Variants in RNF150 observed in about 807,000 individuals in gnomAD.
RNF150 encodes ring finger protein 150.
Under a neutral mutation model 39.3 loss-of-function variants are expected in RNF150, and 24 were observed. The ratio of observed to expected loss-of-function variants is 0.61; its 90% CI spans 0.44 to 0.86. RNF150 has a LOEUF of 0.86. RNF150 is among the 40% of genes least tolerant of loss of function. The pLI, the probability that RNF150 is intolerant of heterozygous loss-of-function variation, is 0.00. For synonymous variants in RNF150, 255 were observed against 227.3 expected (o/e 1.12, Z -1.10); for missense variants, 502 against 587.8 (o/e 0.85, Z 1.51).
At chr4:140,935,056 T>TATTA (rs1553993277) in intron 4 of RNF150, among the ~76,000 whole-genome samples, 8 of 46,230 alleles carry the variant, frequency 1.7e-4, no homozygotes, top group South Asian at 1.6e-3. Context: ...AATATATATA[T>TATTA]TATATATATA....
intron 3 of RNF150, among the ~76,000 whole-genome samples, chr4:140,948,626 A>C (rs1732419139): frequency 6.6e-6 from 1 of 152,146 alleles, no homozygotes; most frequent in Non-Finnish European, 1.5e-5. Flanking sequence ...TTTTATAGAG[A>C]CAGGGTCTTT....
chr4:140,909,990 G>A (rs1378179413), intron 6 of RNF150, among the ~76,000 whole-genome samples: 1 of 152,130 alleles, frequency 6.6e-6, no homozygotes, highest in Non-Finnish European at 1.5e-5. Context: ...AATAAAAGAT[G>A]ATCAGGAAAT....
In RNF150 at chr4:141,030,281, C is replaced by CAA. The variant is rs4019263; in HGVS notation, c.485-62410_485-62409dup. ...ACCTCATACCCATTATAATGGCTAT[C>CAA]AAAAAAAAAAAACCCAGAAAATAAC... On this transcript the variant is annotated intron_variant, in intron 1 of 6. Coordinates refer to ENST00000515673, the MANE Select transcript of RNF150 (RefSeq NM_020724.2). Among the ~76,000 whole-genome samples the CAA allele has an allele frequency of 3.9e-3, 584 of 148,116 alleles. 3 individuals are homozygous for CAA. Among genetic ancestry groups the CAA allele is most frequent in the Middle Eastern group, 0.014 (4 of 282 alleles).
At chr4:140,987,295 G>C (rs1398052519) in intron 1 of RNF150, among the ~76,000 whole-genome samples, 1 of 151,934 alleles carries the variant, frequency 6.6e-6, no homozygotes, top group South Asian at 2.1e-4. Flanking sequence ...CCAAAAAAGA[G>C]CCCAAATAGT....
chr4:140,998,697 G>A (rs912330078), intron 1 of RNF150, among the ~76,000 whole-genome samples: 7 of 152,152 alleles, frequency 4.6e-5, no homozygotes, highest in Non-Finnish European at 1.0e-4. Context: ...AATTCAAAGT[G>A]ACAGAGTGGG....
intron 1 of RNF150, among the ~76,000 whole-genome samples, chr4:141,108,885 C>T (rs1220233149): frequency 2.0e-5 from 3 of 152,214 alleles, no homozygotes; most frequent in Non-Finnish European, 2.9e-5. Context: ...CATCCTTAAC[C>T]GCTGCAGCTC....
At chr4:141,211,462 A>G (rs1410584776) in intron 1 of RNF150, among the ~76,000 whole-genome samples, 1 of 152,188 alleles carries the variant, frequency 6.6e-6, no homozygotes, top group Non-Finnish European at 1.5e-5. Flanking sequence ...TGATGAACAC[A>G]TCTTACATTC....
intron 2 of RNF150, among the ~76,000 whole-genome samples, chr4:140,963,856 T>C (rs1733134244): frequency 6.6e-6 from 1 of 151,996 alleles, no homozygotes; most frequent in African/African-American, 2.4e-5. Context: ...AAAAAATTCT[T>C]AATAAGATAG....
chr4:140,976,834 C>T (rs1165100224), intron 1 of RNF150, among the ~76,000 whole-genome samples: 1 of 152,084 alleles, frequency 6.6e-6, no homozygotes, highest in Non-Finnish European at 1.5e-5. Flanking sequence ...GTGAACATTG[C>T]TAAGAGGGAA....
At chr4:141,195,107 T>TACACACACACACACAC (rs71584397) in intron 1 of RNF150, among the ~76,000 whole-genome samples, 1 of 150,060 alleles carries the variant, frequency 6.7e-6, no homozygotes, top group African/African-American at 2.4e-5. Context: ...GATACATGAA[T>TACACACACACACACAC]ACACACACAC....
chr4:141,027,921 TTTTTG>T lies in RNF150; in HGVS notation c.485-60053_485-60049del, dbSNP rs1560696686. 2.1e-3 allele frequency among the ~76,000 whole-genome samples: 126 copies of T among 59,602 alleles called. 4 individuals carry two copies. Among genetic ancestry groups the T allele is most frequent in the Middle Eastern group, 0.012 (2 of 166 alleles). The allele number at this position is 59,602 out of a possible 152,430, so 39.1% of individuals were successfully genotyped here. On this transcript the variant is annotated intron_variant, in intron 1 of 6. Coordinates refer to ENST00000515673, the MANE Select transcript of RNF150 (RefSeq NM_020724.2). ...AATGAGCTTGGAATTTGTTTTTTTT[TTTTTG>T]TTTTTTTTTTTTTTTTTTTTTTTTT...
chr4:141,056,117 C>T (rs891748987), intron 1 of RNF150, among the ~76,000 whole-genome samples: 1 of 152,132 alleles, frequency 6.6e-6, no homozygotes, highest in African/African-American at 2.4e-5. Context: ...TATTATATTC[C>T]TATTTTAAGA....
intron 6 of RNF150, among the ~76,000 whole-genome samples, chr4:140,870,878 G>C (rs1728907702): frequency 1.3e-5 from 2 of 151,638 alleles, no homozygotes; most frequent in South Asian, 4.2e-4. Context: ...TCCCTTCACT[G>C]TGGTTTTTGT....
chr4:140,989,630 C>G (rs896705642), intron 1 of RNF150, among the ~76,000 whole-genome samples: 4 of 152,058 alleles, frequency 2.6e-5, no homozygotes, highest in Admixed American at 2.0e-4. Context: ...CAGAAAGAGG[C>G]AAAATCATTT....
intron 1 of RNF150, among the ~76,000 whole-genome samples, chr4:141,006,102 T>A (rs1377730506): frequency 6.6e-6 from 1 of 150,992 alleles, no homozygotes; most frequent in African/African-American, 2.4e-5. Context: ...TTTAAAAGAA[T>A]GGAACTATTT....
intron 6 of RNF150, among the ~76,000 whole-genome samples, chr4:140,887,263 C>A (rs1729609559): frequency 6.6e-6 from 1 of 152,208 alleles, no homozygotes; most frequent in Non-Finnish European, 1.5e-5. Context: ...GCTTCCTCAT[C>A]AGTAAAGTAC....
chr4:141,167,941 A>G (rs1007893337), intron 1 of RNF150, among the ~76,000 whole-genome samples: 2 of 152,214 alleles, frequency 1.3e-5, no homozygotes, highest in Non-Finnish European at 2.9e-5. Flanking sequence ...AAATTGACAA[A>G]TGGGATCTAA....
chr4:140,923,990 AG>A (rs1396396238), intron 5 of RNF150, among the ~76,000 whole-genome samples: 1 of 151,526 alleles, frequency 6.6e-6, no homozygotes, highest in East Asian at 1.9e-4. Flanking sequence ...GGAAGGGGGG[AG>A]GGATAGCATT....
chr4:141,198,030 C>T (rs1578792936), intron 1 of RNF150, among the ~76,000 whole-genome samples: 1 of 142,744 alleles, frequency 7.0e-6, no homozygotes. Flanking sequence ...TATTAGACCA[C>T]TCCTTTTTTT....
Sources: gnomAD v4.1 joint callset for allele counts (sites outside exome capture counted in the v4.1 genomes callset) on GRCh38, gnomAD v4.1.1 for gene constraint, MANE v1.5 for transcripts, NCBI Gene and HGNC (gene_info 2026-07-23, HGNC 2026-07-21) for gene names.